ARID1B: variants seen among roughly 807,000 people sequenced by gnomAD.
The protein encoded by ARID1B is AT-rich interactive domain-containing protein 1B.
Under a neutral mutation model 212.3 loss-of-function variants are expected in ARID1B, and 30 were observed. That is an observed-to-expected ratio of 0.14 (90% CI 0.11 to 0.19). ARID1B has a LOEUF of 0.19. ARID1B is among the 10% of genes least tolerant of loss of function. The pLI, the probability that ARID1B is intolerant of heterozygous loss-of-function variation, is 1.00. For synonymous variants in ARID1B, 1,402 were observed against 1,301.7 expected, an observed-to-expected ratio of 1.08 and a Z score of -1.66; for missense variants, 2,891 against 3,204.0, an observed-to-expected ratio of 0.90 and a Z score of 2.36.
At chr6:157,062,504 C>A (rs1441515075) in intron 4 of ARID1B, among the ~76,000 whole-genome samples, 1 of 151,766 alleles carries the variant, frequency 6.6e-6, no homozygotes, top group Non-Finnish European at 1.5e-5. Flanking sequence ...TGGCTTGTTT[C>A]TCCTTTTGTT....
chr6:156,791,419 A>G (rs1779998099), intron 1 of ARID1B, among the ~76,000 whole-genome samples: 1 of 152,216 alleles, frequency 6.6e-6, no homozygotes, highest in Non-Finnish European at 1.5e-5. Flanking sequence ...TTGCTTTTCA[A>G]CAGTCTCACT....
intron 4 of ARID1B, among the ~76,000 whole-genome samples, chr6:157,069,841 C>T (rs535543645): frequency 6.6e-6 from 1 of 152,306 alleles, no homozygotes; most frequent in African/African-American, 2.4e-5. Flanking sequence ...CTTAACAGTT[C>T]AGCTTCTAGG....
rs1488779150 is a variant in ARID1B at position 157,055,013 on chromosome 6, G to T, written c.2248-29649G>T. 1.3e-5 allele frequency among the ~76,000 whole-genome samples: 2 copies of T among 152,190 alleles called. 1 individual carries two copies. The highest frequency in any genetic ancestry group is 4.8e-5 in the African/African-American group (2 of 41,458). ...TTGTAGCATAAACCTGCAGAGGAGG[G>T]AACAGAACTCACCACTGGGAAGCAT... On this transcript the variant is annotated intron_variant, in intron 4 of 19. Transcript: ENST00000636930.
chr6:157,095,689 G>T (rs1000337080), intron 5 of ARID1B, among the ~76,000 whole-genome samples: 1 of 152,190 alleles, frequency 6.6e-6, no homozygotes, highest in African/African-American at 2.4e-5. Context: ...ATTTGGTTCA[G>T]TTGAAAGTAA....
Position 157,110,355 on chromosome 6 carries a change from T to G in ARID1B, c.2492-117T>G. On this transcript the variant is annotated intron_variant, in intron 5 of 19. Coordinates refer to ENST00000636930, the MANE Select transcript of ARID1B (RefSeq NM_001374828.1). The stretch of plus-strand genomic sequence containing the variant: ...CACTCTGAGCTATGTCTTTTTTTAA[T>G]GGGGCTATACCTTTTGTGATCATAA... The G allele has an allele frequency of 5.0e-6, 4 of 798,894 alleles. No homozygotes were observed. The South Asian group carries it at 6.2e-5, about 12-fold the overall frequency. The allele number at this position is 798,894 out of a possible 1,614,324, so 49.5% of individuals were successfully genotyped here.
At chr6:157,060,438 T>TA (rs1312190920) in intron 4 of ARID1B, among the ~76,000 whole-genome samples, 1 of 152,198 alleles carries the variant, frequency 6.6e-6, no homozygotes, top group East Asian at 1.9e-4. Flanking sequence ...TTAATAAATG[T>TA]AAAATCCCAA....
chr6:157,003,569 G>T (rs540785979), intron 4 of ARID1B, among the ~76,000 whole-genome samples: 1 of 152,220 alleles, frequency 6.6e-6, no homozygotes, highest in Non-Finnish European at 1.5e-5. Context: ...GGGCTTATCT[G>T]CCTGGAGAAG....
In ARID1B at chr6:157,209,486, G is replaced by A. The variant is rs1794671708; in HGVS notation, c.*1595G>A. 3 of 232,584 alleles carry A rather than the reference G, an allele frequency of 1.3e-5. No individual in the cohort carries two copies. Among genetic ancestry groups the A allele is most frequent in the African/African-American group, 2.2e-5 (1 of 45,324 alleles). The allele number at this position is 232,584 out of a possible 1,614,324, so 14.4% of individuals were successfully genotyped here. On this transcript the variant is annotated 3_prime_UTR_variant, in exon 20 of 20. Transcript: ENST00000636930. Reference sequence around the variant, plus strand: ...TTTCTTTGAAGCAATTAACTCTAACGACATTGAGGTATGATCATTTTCAGT... The same window carrying A: ...TTTCTTTGAAGCAATTAACTCTAACAACATTGAGGTATGATCATTTTCAGT...
chr6:156,981,584 C>A (rs1777607221), intron 4 of ARID1B, among the ~76,000 whole-genome samples: 1 of 152,156 alleles, frequency 6.6e-6, no homozygotes, highest in South Asian at 2.1e-4. Flanking sequence ...CATTTACTGG[C>A]TTCCTATTAG....
At chr6:156,971,479 G>C (rs1052559107) in intron 4 of ARID1B, among the ~76,000 whole-genome samples, 2 of 152,172 alleles carry the variant, frequency 1.3e-5, no homozygotes, top group African/African-American at 4.8e-5. Context: ...AGATACATTA[G>C]ACAACTGTGG....
intron 1 of ARID1B, among the ~76,000 whole-genome samples, chr6:156,816,900 A>G (rs1467131751): frequency 6.6e-6 from 1 of 152,070 alleles, no homozygotes; most frequent in Non-Finnish European, 1.5e-5. Flanking sequence ...ATCTTCAAGG[A>G]AGTTTATTGA....
chr6:156,806,504 G>C (rs287887), intron 1 of ARID1B, among the ~76,000 whole-genome samples: 70,931 of 152,094 alleles, frequency 0.47, 17,159 homozygotes, highest in African/African-American at 0.54. Context: ...GGATTGTTTG[G>C]TTTTGCTTAA....
intron 5 of ARID1B, chr6:157,107,965 C>G (rs1459813670): frequency 1.3e-5 from 2 of 152,156 alleles, no homozygotes; most frequent in Admixed American, 1.3e-4. Flanking sequence ...TTATCACTTT[C>G]TCAAATGCAT....
At position 157,094,797 on chromosome 6, in the gene ARID1B, G is replaced by A. The variant is rs530395775; in HGVS notation, c.2491+9892G>A. ...AGGGGAAGGTGGGAGCAGAGACATC[G>A]GAGGCTCCTGCAGTAACCACGCGGA... On this transcript the variant is annotated intron_variant, in intron 5 of 19. Transcript: ENST00000636930. This position sits in a 1 kb window ranked among gnomAD's most constrained non-coding sequence, Gnocchi z 4.3. 8.7e-4 allele frequency among the ~76,000 whole-genome samples: 132 copies of A among 152,174 alleles called. 1 individual carries two copies. Among genetic ancestry groups the A allele is most frequent in the Non-Finnish European group, 1.6e-3 (108 of 68,036 alleles).
chr6:156,825,885 C>T (rs1288963196), intron 1 of ARID1B, among the ~76,000 whole-genome samples: 1 of 152,170 alleles, frequency 6.6e-6, no homozygotes, highest in African/African-American at 2.4e-5. Context: ...AGAAAATAAT[C>T]ACATTTTATT....
intron 5 of ARID1B, among the ~76,000 whole-genome samples, chr6:157,103,831 C>CTTTTTT (rs869280492): frequency 1.4e-4 from 17 of 118,358 alleles, no homozygotes; most frequent in African/African-American, 4.9e-4. Context: ...ATATTAACAA[C>CTTTTTT]TTTTTTTTTT....
chr6:157,158,050 A>G (rs1261796707), intron 8 of ARID1B, among the ~76,000 whole-genome samples: 1 of 152,226 alleles, frequency 6.6e-6, no homozygotes, highest in Non-Finnish European at 1.5e-5. Flanking sequence ...ATAACAAAAA[A>G]TGCACAGACA....
intron 1 of ARID1B, among the ~76,000 whole-genome samples, chr6:156,786,182 AT>A (rs1779615743): frequency 6.6e-6 from 1 of 152,070 alleles, no homozygotes; most frequent in Non-Finnish European, 1.5e-5. Flanking sequence ...AGTGAAAATC[AT>A]TTATAGTGAT....
intron 3 of ARID1B, among the ~76,000 whole-genome samples, chr6:156,928,703 C>T (rs577491393): frequency 6.6e-5 from 10 of 152,250 alleles, no homozygotes; most frequent in Middle Eastern, 3.4e-3. Flanking sequence ...ATCTGGCAGG[C>T]GGGCCCCTTC....
Sources: gnomAD v4.1 joint callset for allele counts (sites outside exome capture counted in the v4.1 genomes callset) on GRCh38, gnomAD v4.1.1 for gene constraint, Gnocchi (gnomAD v3.1) non-coding constraint, MANE v1.5 for transcripts, NCBI Gene and HGNC (gene_info 2026-07-23, HGNC 2026-07-21) for gene names.